Variants in ZMYND8 observed in about 807,000 individuals in gnomAD.
ZMYND8 encodes the protein MYND-type zinc finger-containing chromatin reader ZMYND8.
A neutral mutation model predicts 140.8 loss-of-function variants in ZMYND8; 37 were observed. That is an observed-to-expected ratio of 0.26 (90% confidence interval 0.20 to 0.35). The LOEUF is 0.35. Ranked by LOEUF, ZMYND8 falls within the 10% of genes least tolerant of loss-of-function variation. The pLI is 1.00. For missense variants in ZMYND8, 1,068 were observed against 1,570.0 expected, an observed-to-expected ratio of 0.68 and a Z score of 5.40; for synonymous variants, 592 against 597.1, an observed-to-expected ratio of 0.99 and a Z score of 0.12.
chr20:47,341,683 A>G (rs1324511572), intron 2 of ZMYND8, among the ~76,000 whole-genome samples: 1 of 152,022 alleles, frequency 6.6e-6, no homozygotes, highest in Non-Finnish European at 1.5e-5. Flanking sequence ...AGCCTGGCCA[A>G]CATAGTGAAA....
At chr20:47,295,713 G>A (rs1371929642) in intron 4 of ZMYND8, among the ~76,000 whole-genome samples, 1 of 152,212 alleles carries the variant, frequency 6.6e-6, no homozygotes, top group Admixed American at 6.5e-5. Context: ...ATCTCCATGG[G>A]TAATAGATAT....
chr20:47,316,368 T>A (rs1368883023), intron 2 of ZMYND8, among the ~76,000 whole-genome samples: 1 of 149,396 alleles, frequency 6.7e-6, no homozygotes, highest in Non-Finnish European at 1.5e-5. Flanking sequence ...TATGAGGAGA[T>A]CCTTCCCAAG....
chr20:47,214,256 G>A (rs1023425351), intron 21 of ZMYND8, among the ~76,000 whole-genome samples: 4 of 152,162 alleles, frequency 2.6e-5, no homozygotes, highest in Admixed American at 6.5e-5. Context: ...TTGCTTTGAC[G>A]TGACCTGTCA....
intron 3 of ZMYND8, among the ~76,000 whole-genome samples, chr20:47,303,780 C>G (rs562629387): frequency 6.6e-6 from 1 of 152,202 alleles, no homozygotes; most frequent in Non-Finnish European, 1.5e-5. Context: ...CTGATAGTAG[C>G]CGAGGTACTG....
chr20:47,229,663 C>G, intron 17 of ZMYND8, 63 bp downstream of exon 17: 1 of 1,511,608 alleles, frequency 6.6e-7, no homozygotes, highest in Non-Finnish European at 9.2e-7. Context: ...CTTCATGGTA[C>G]CACCTTTAAA....
intron 11 of ZMYND8, among the ~76,000 whole-genome samples, chr20:47,265,080 G>A (rs17197717): frequency 0.15 from 16,893 of 114,308 alleles, 1,119 homozygotes; most frequent in South Asian, 0.3. Context: ...GCATTTTAAC[G>A]GAAGTATTAC....
chr20:47,313,073 T>C lies in ZMYND8; in HGVS notation c.86-2869A>G, dbSNP rs1287803829. Among the ~76,000 whole-genome samples the C allele has an allele frequency of 1.3e-5, 2 of 151,930 alleles. 1 individual carries two copies. Among genetic ancestry groups the C allele is most frequent in the Non-Finnish European group, 2.9e-5 (2 of 67,976 alleles). On this transcript the variant is annotated intron_variant, in intron 2 of 22. Transcript: ENST00000471951. ...ACAGAGGACTGCTCTAAGAATACAT[T>C]ACAGTCACATGGCCGGACACAGTGT...
chr20:47,309,522 T>C (rs1237490302), intron 3 of ZMYND8, among the ~76,000 whole-genome samples: 2 of 152,244 alleles, frequency 1.3e-5, no homozygotes, highest in East Asian at 3.9e-4. Flanking sequence ...TTGGCCAGGA[T>C]GGTCTCAATC....
At position 47,228,745 on chromosome 20, in the gene ZMYND8, G is replaced by A. The variant is rs568962932; in HGVS notation, c.2937+981C>T. On this transcript the variant is annotated intron_variant, in intron 17 of 22. Transcript: ENST00000471951. ...TTCGTCTGAGCACCAGCCTAATGCT[G>A]CCAAGTCCTAAAAGGTCAATAGCTC... is the stretch of plus-strand genomic sequence containing the variant. 9.4e-4 allele frequency among the ~76,000 whole-genome samples: 143 copies of A among 152,288 alleles called. 1 individual carries two copies. In the Middle Eastern group the frequency reaches 0.01, roughly 11 times the overall value.
Position 47,242,335 on chromosome 20 carries a change from A to G in ZMYND8, c.2285-3197T>C, listed in dbSNP as rs146276933. 7.5e-3 allele frequency among the ~76,000 whole-genome samples: 1,139 copies of G among 152,300 alleles called. 19 individuals carry two copies. Among genetic ancestry groups the G allele is most frequent in the African/African-American group, 0.026 (1,071 of 41,566 alleles). On this transcript the variant is annotated intron_variant, in intron 14 of 22. Transcript: ENST00000471951. ...GAGAATCCAGCCAAGCTGGTCAGCA[A>G]GAGCCTGGGGTGGGTCTGGAAGGAG... is the stretch of plus-strand genomic sequence containing the variant.
At chr20:47,295,190 G>A (rs2077561435) in intron 4 of ZMYND8, among the ~76,000 whole-genome samples, 1 of 152,122 alleles carries the variant, frequency 6.6e-6, no homozygotes, top group Non-Finnish European at 1.5e-5. Context: ...CCCCAGTGTT[G>A]GAGACCAGCC....
At chr20:47,272,863 A>G (rs1406860273) in intron 11 of ZMYND8, among the ~76,000 whole-genome samples, 1 of 152,204 alleles carries the variant, frequency 6.6e-6, no homozygotes, top group Non-Finnish European at 1.5e-5. Context: ...CATGGCAATT[A>G]TTTTACACGA....
At chr20:47,217,434 A>C (rs1403167519) in intron 21 of ZMYND8, among the ~76,000 whole-genome samples, 1 of 152,178 alleles carries the variant, frequency 6.6e-6, no homozygotes, top group African/African-American at 2.4e-5. Flanking sequence ...TGCTAAAGAC[A>C]TCTCAGTATC....
At chr20:47,295,538 C>T (rs749866820) in intron 4 of ZMYND8, among the ~76,000 whole-genome samples, 1 of 152,208 alleles carries the variant, frequency 6.6e-6, no homozygotes, top group Non-Finnish European at 1.5e-5. Flanking sequence ...GGCATTAATT[C>T]AATGACATCA....
Position 47,318,953 on chromosome 20 carries a change from G to T in ZMYND8, c.86-8749C>A, listed in dbSNP as rs144804216. 7.0e-4 allele frequency: 949 copies of T among 1,351,232 alleles called. 6 individuals carry two copies. In the African/African-American group the frequency reaches 0.012, roughly 17 times the overall value. 83.7% of individuals were successfully genotyped at this position (1,351,232 alleles called of 1,614,324 possible). ...GAACGCCAAGAGGAGGCACTTACCT[G>T]CCATTGAGAAAGTGCGGCTGCTCAG... On this transcript the variant is annotated intron_variant, in intron 2 of 22. Transcript: ENST00000471951.
chr20:47,220,138 G>T, intron 21 of ZMYND8, 120 bp downstream of exon 21: 11 of 726,876 alleles, frequency 1.5e-5, no homozygotes, highest in Non-Finnish European at 2.4e-5. Flanking sequence ...GCACCCCTAA[G>T]GATCCATAAT....
At chr20:47,302,456 CA>C (rs2078129518) in intron 3 of ZMYND8, among the ~76,000 whole-genome samples, 1 of 151,696 alleles carries the variant, frequency 6.6e-6, no homozygotes, top group African/African-American at 2.4e-5. Flanking sequence ...GACATCATCT[CA>C]AAAAAATATA....
chr20:47,324,209 A>AAAG (rs1569200338), intron 2 of ZMYND8, among the ~76,000 whole-genome samples: 2 of 149,512 alleles, frequency 1.3e-5, no homozygotes, highest in Non-Finnish European at 3.0e-5. Flanking sequence ...CTCAAAAAAA[A>AAAG]AAAAAAAAAA....
At chr20:47,229,148 GT>G in intron 17 of ZMYND8, among the ~76,000 whole-genome samples, 1 of 150,604 alleles carries the variant, frequency 6.6e-6, no homozygotes, top group Middle Eastern at 3.4e-3. Context: ...TCTCCTGCTT[GT>G]TTTTTTAAAA....
Sources: gnomAD v4.1 joint callset for allele counts (sites outside exome capture counted in the v4.1 genomes callset) on GRCh38, gnomAD v4.1.1 for gene constraint, MANE v1.5 for transcripts, NCBI Gene and HGNC (gene_info 2026-07-23, HGNC 2026-07-21) for gene names.